Variants in GRID2 observed in about 807,000 individuals in gnomAD.
GRID2 encodes glutamate ionotropic receptor delta type subunit 2, also known as glutamate receptor ionotropic, delta-2.
In GRID2, 33 loss-of-function variants were observed where a neutral mutation model predicts 114.8. The observed-to-expected ratio is 0.29, with a 90% CI of 0.22 to 0.38. The LOEUF is 0.38. Ranked by LOEUF, GRID2 falls within the 10% of genes least tolerant of loss-of-function variation. The probability of loss-of-function intolerance (pLI) is 1.00; values close to 1 mark genes in which losing one functional copy is unlikely to be tolerated. For missense variants in GRID2, 1,184 were observed against 1,257.7 expected, an observed-to-expected ratio of 0.94 and a Z score of 0.89; for synonymous variants, 505 against 449.9, an observed-to-expected ratio of 1.12 and a Z score of -1.55.
intron 1 of GRID2, among the ~76,000 whole-genome samples, chr4:92,503,829 A>G (rs1015896713): frequency 1.3e-5 from 2 of 152,162 alleles, no homozygotes; most frequent in African/African-American, 2.4e-5. Flanking sequence ...GATCTCTAAC[A>G]GATCTATTAT....
At chr4:92,826,286 T>C (rs542208533) in intron 2 of GRID2, among the ~76,000 whole-genome samples, 1 of 152,206 alleles carries the variant, frequency 6.6e-6, no homozygotes, top group Non-Finnish European at 1.5e-5. Context: ...CCCTGATAGC[T>C]TCATGGATTG....
intron 4 of GRID2, among the ~76,000 whole-genome samples, chr4:93,194,120 A>G (rs1741251480): frequency 6.6e-6 from 1 of 152,218 alleles, no homozygotes; most frequent in African/African-American, 2.4e-5. Context: ...GTAAGAAATA[A>G]AGAGCAGTGG....
chr4:93,498,196 T>C (rs1439972049), intron 12 of GRID2, among the ~76,000 whole-genome samples: 1 of 151,822 alleles, frequency 6.6e-6, no homozygotes, highest in Admixed American at 6.6e-5. Flanking sequence ...GGAAGTCCAA[T>C]ATCAAGGTGC....
intron 14 of GRID2, among the ~76,000 whole-genome samples, chr4:93,670,149 C>G (rs921182875): frequency 2.6e-5 from 4 of 152,052 alleles, no homozygotes; most frequent in African/African-American, 9.7e-5. Context: ...AGGATTCTTT[C>G]TTTGCACTAG....
intron 7 of GRID2, among the ~76,000 whole-genome samples, chr4:93,229,177 T>G (rs1398131424): frequency 1.3e-5 from 2 of 152,298 alleles, no homozygotes; most frequent in East Asian, 3.9e-4. Flanking sequence ...AAAATTGGAT[T>G]ACTTTTTGCA....
chr4:93,547,102 A>G (rs1176393690), intron 13 of GRID2, among the ~76,000 whole-genome samples: 1 of 152,160 alleles, frequency 6.6e-6, no homozygotes, highest in Admixed American at 6.6e-5. Flanking sequence ...TTCAGCTCCT[A>G]GAGTTGATAG....
At chr4:93,524,825 A>G (rs868018495) in intron 13 of GRID2, among the ~76,000 whole-genome samples, 5 of 108,650 alleles carry the variant, frequency 4.6e-5, no homozygotes, top group Admixed American at 8.8e-5. Flanking sequence ...GTATGTATGT[A>G]TATATATATA....
chr4:92,869,635 A>G (rs1383853131), intron 2 of GRID2, among the ~76,000 whole-genome samples: 5 of 152,196 alleles, frequency 3.3e-5, no homozygotes. Flanking sequence ...ACATTATCCC[A>G]GCTGAAAACT....
intron 4 of GRID2, among the ~76,000 whole-genome samples, chr4:93,157,969 C>T (rs553283197): frequency 2.2e-4 from 33 of 151,910 alleles, no homozygotes; most frequent in African/African-American, 7.2e-4. Context: ...AATAACAGAG[C>T]GTTAAGCCAA....
chr4:92,432,347 G>A (rs905816691), intron 1 of GRID2, among the ~76,000 whole-genome samples: 1 of 152,130 alleles, frequency 6.6e-6, no homozygotes, highest in African/African-American at 2.4e-5. Flanking sequence ...AGTTCCAGCT[G>A]GCCCAGGGTG....
intron 2 of GRID2, among the ~76,000 whole-genome samples, chr4:92,703,641 ATAT>A (rs2149303273): frequency 1.4e-5 from 2 of 141,724 alleles, no homozygotes; most frequent in East Asian, 4.3e-4. Context: ...ATATATATAT[ATAT>A]AAAATCATGA....
At chr4:92,562,309 A>C (rs1356517296) in intron 1 of GRID2, among the ~76,000 whole-genome samples, 1 of 152,202 alleles carries the variant, frequency 6.6e-6, no homozygotes, top group Non-Finnish European at 1.5e-5. Flanking sequence ...ATTTTCCCCA[A>C]GGTTAATGGG....
intron 1 of GRID2, among the ~76,000 whole-genome samples, chr4:92,553,783 T>A (rs1726714479): frequency 6.6e-6 from 1 of 152,148 alleles, no homozygotes; most frequent in Non-Finnish European, 1.5e-5. Flanking sequence ...CCCAAGTAGC[T>A]GGGACTACAG....
intron 1 of GRID2, among the ~76,000 whole-genome samples, chr4:92,454,696 C>T (rs1721116121): frequency 6.6e-6 from 1 of 152,102 alleles, no homozygotes; most frequent in African/African-American, 2.4e-5. Flanking sequence ...ATTAGCCGGG[C>T]GTGTTGGCAG....
intron 2 of GRID2, among the ~76,000 whole-genome samples, chr4:92,774,383 A>C (rs574161087): frequency 6.6e-6 from 1 of 152,278 alleles, no homozygotes; most frequent in East Asian, 1.9e-4. Flanking sequence ...GAAGAAATGC[A>C]TCAGTGTAGC....
chr4:93,612,255 C>T (rs1440512666), intron 13 of GRID2, among the ~76,000 whole-genome samples: 1 of 149,222 alleles, frequency 6.7e-6, no homozygotes, highest in Non-Finnish European at 1.5e-5. Context: ...TGGGTCTTGA[C>T]TCTTTATCCA....
At chr4:93,026,991 CAGAAGTG>C (rs952240619) in intron 2 of GRID2, among the ~76,000 whole-genome samples, 2 of 152,106 alleles carry the variant, frequency 1.3e-5, no homozygotes, top group Admixed American at 1.3e-4. Flanking sequence ...AGATGTTACT[CAGAAGTG>C]AGAGGAAGAA....
intron 1 of GRID2, among the ~76,000 whole-genome samples, chr4:92,367,478 AGAATGAGAGGAG>A (rs1447876007): frequency 1.3e-5 from 2 of 151,962 alleles, no homozygotes; most frequent in Admixed American, 1.3e-4. Context: ...TGCCATGGAA[AGAATGAGAGGAG>A]GAATGAGAGG....
At chr4:92,397,004 C>T (rs867882957) in intron 1 of GRID2, among the ~76,000 whole-genome samples, 8 of 151,644 alleles carry the variant, frequency 5.3e-5, no homozygotes, top group Non-Finnish European at 1.0e-4. Context: ...GAATGAATCA[C>T]GTTTTAAAAC....
Sources: allele counts gnomAD v4.1 joint callset (sites outside exome capture counted in the v4.1 genomes callset), GRCh38; gene constraint gnomAD v4.1.1; transcripts MANE v1.5; gene names NCBI Gene and HGNC (gene_info 2026-07-23, HGNC 2026-07-21).